Variants in PCNX2 observed in about 807,000 individuals in gnomAD.
PCNX2 encodes the protein pecanex-like protein 2.
Under a neutral mutation model 223.8 loss-of-function variants are expected in PCNX2, and 168 were observed. The observed-to-expected ratio is 0.75, with a 90% CI of 0.66 to 0.85. PCNX2 has a LOEUF of 0.85. Ranked by LOEUF, PCNX2 falls within the 40% of genes least tolerant of loss-of-function variation. PCNX2 has a pLI of 0.00. For synonymous variants in PCNX2, 1,006 were observed against 1,052.6 expected (o/e 0.96, Z 0.86); for missense variants, 2,507 against 2,675.5 (o/e 0.94, Z 1.39).
intron 1 of PCNX2, among the ~76,000 whole-genome samples, chr1:233,271,825 T>C (rs1281145155): frequency 1.3e-5 from 2 of 152,238 alleles, no homozygotes; most frequent in Non-Finnish European, 2.9e-5. Context: ...TCTATTCCAT[T>C]GGTTTATGTG....
At chr1:233,048,221 C>G (rs907480796) in intron 25 of PCNX2, among the ~76,000 whole-genome samples, 11 of 152,278 alleles carry the variant, frequency 7.2e-5, no homozygotes, top group African/African-American at 2.6e-4. Flanking sequence ...CTTTGGGAGG[C>G]CAAGGCAGGC....
chr1:233,047,855 A>G (rs2102867378), intron 25 of PCNX2, among the ~76,000 whole-genome samples: 1 of 152,256 alleles, frequency 6.6e-6, no homozygotes, highest in South Asian at 2.1e-4. Flanking sequence ...CACTTGACCA[A>G]CTGGACCTAA....
chr1:233,177,593 A>T (rs1679552088), intron 17 of PCNX2, among the ~76,000 whole-genome samples: 1 of 152,230 alleles, frequency 6.6e-6, no homozygotes, highest in African/African-American at 2.4e-5. Context: ...CTTTCAAGTG[A>T]TATTCTTTAC....
In PCNX2 at chr1:233,191,613, A is replaced by G. The variant is rs1680422662; in HGVS notation, c.3066+7326T>C. Among the ~76,000 whole-genome samples the G allele has an allele frequency of 2.0e-5, 3 of 152,084 alleles. No individual in the cohort carries two copies. In the South Asian group the frequency reaches 6.2e-4, roughly 32 times the overall value. ...CCCTGAGGAATTTATGCCAGACCTT[A>G]TATTATAGATGGGTCTAGACTGAAA... On this transcript the variant is annotated intron_variant, in intron 15 of 33. Coordinates refer to ENST00000258229, the MANE Select transcript of PCNX2 (RefSeq NM_014801.4).
chr1:233,122,878 C>T (rs1026300358), intron 21 of PCNX2, among the ~76,000 whole-genome samples: 1 of 152,128 alleles, frequency 6.6e-6, no homozygotes, highest in Admixed American at 6.5e-5. Flanking sequence ...GGTCTTCCTC[C>T]CCAAAACACA....
At chr1:233,249,646 G>A (rs13376669) in intron 8 of PCNX2, among the ~76,000 whole-genome samples, 9,504 of 152,276 alleles carry the variant, frequency 0.062, 891 homozygotes, top group African/African-American at 0.2. Flanking sequence ...GCATGAACAA[G>A]ATTTCTGTTT....
At chr1:233,082,135 T>C (rs558973984) in intron 23 of PCNX2, among the ~76,000 whole-genome samples, 2 of 152,304 alleles carry the variant, frequency 1.3e-5, no homozygotes, top group East Asian at 3.9e-4. Context: ...TTGGGCAAGT[T>C]CTTTAACTTC....
At chr1:233,053,074 C>T (rs1252853626) in intron 25 of PCNX2, among the ~76,000 whole-genome samples, 1 of 151,986 alleles carries the variant, frequency 6.6e-6, no homozygotes, top group Non-Finnish European at 1.5e-5. Context: ...AGCCACCAGA[C>T]CAATCTCTTA....
intron 9 of PCNX2, among the ~76,000 whole-genome samples, chr1:233,232,344 G>C (rs773182979): frequency 6.6e-6 from 1 of 152,098 alleles, no homozygotes; most frequent in Non-Finnish European, 1.5e-5. Context: ...CCCAGCTGTT[G>C]GCTAATGTAA....
chr1:233,114,188 G>A (rs1675276454), intron 21 of PCNX2, among the ~76,000 whole-genome samples: 1 of 152,144 alleles, frequency 6.6e-6, no homozygotes, highest in Admixed American at 6.5e-5. Flanking sequence ...GGTGAAGTAG[G>A]GTAAAATTAC....
chr1:233,045,855 C>G (rs1369697143), intron 25 of PCNX2, among the ~76,000 whole-genome samples: 2 of 152,222 alleles, frequency 1.3e-5, no homozygotes, highest in African/African-American at 4.8e-5. Flanking sequence ...GATTCAACAG[C>G]CAAGAAGTGA....
Position 233,016,902 on chromosome 1 carries a change from C to A in PCNX2, c.4839+19G>T, listed in dbSNP as rs1442927941. ...TTAAACTTACATTCCATGCCTCAGC[C>A]CCCACCTCCCTGACCTACCTCTTGT... On this transcript the variant is annotated intron_variant, in intron 27 of 33. Transcript: ENST00000258229. The A allele has an allele frequency of 1.9e-6, 3 of 1,590,320 alleles. No homozygotes were observed. In the African/African-American group the frequency reaches 4.0e-5, roughly 21 times the overall value.
At chr1:233,092,402 C>A (rs957653736) in intron 22 of PCNX2, among the ~76,000 whole-genome samples, 3 of 152,112 alleles carry the variant, frequency 2.0e-5, no homozygotes, top group Non-Finnish European at 4.4e-5. Flanking sequence ...TCTAAAATTT[C>A]CCCAGAGATT....
chr1:233,195,978 A>G (rs1192867182), intron 15 of PCNX2, among the ~76,000 whole-genome samples: 1 of 152,204 alleles, frequency 6.6e-6, no homozygotes, highest in Non-Finnish European at 1.5e-5. Flanking sequence ...CAATTTTGAA[A>G]AAGAAGAATA....
Position 233,258,553 on chromosome 1 carries a change from C to G in PCNX2, c.1309G>C (p.Glu437Gln). 6.2e-7 allele frequency: 1 copy of G among 1,614,012 alleles called. No individual in the cohort carries two copies. Among genetic ancestry groups the G allele is most frequent in the South Asian group, 1.1e-5 (1 of 91,082 alleles). ...SIPVITLDLP[E>Q]GGGGGVPCPE... Reference sequence around the variant, plus strand: ...CAGGGAACACCTCCTCCCCCACCCTCAGGCAGGTCCAGGGTGATTACAGGA... The same window carrying G: ...CAGGGAACACCTCCTCCCCCACCCTGAGGCAGGTCCAGGGTGATTACAGGA... The change falls in exon 5 of 34, where the codon GAG becomes CAG. Residue 437 changes from glutamate to glutamine, a missense_variant. By Grantham distance (29) the Glu-to-Gln change is conservative. Coordinates refer to ENST00000258229, the MANE Select transcript of PCNX2 (RefSeq NM_014801.4).
intron 10 of PCNX2, 24 bp from the exon 11 acceptor site, chr1:233,218,208 GCAA>G (rs1657112427): frequency 1.3e-5 from 2 of 150,482 alleles, no homozygotes; most frequent in Admixed American, 2.6e-4. Context: ...ATACATAAAA[GCAA>G]AAAAAAAAAA....
At chr1:232,986,982 C>T (rs562026637) in intron 32 of PCNX2, among the ~76,000 whole-genome samples, 35 of 152,316 alleles carry the variant, frequency 2.3e-4, no homozygotes, top group African/African-American at 8.4e-4. Flanking sequence ...CATGCTCATC[C>T]GATCAGCAGT....
chr1:233,082,450 G>A (rs1011904072), intron 23 of PCNX2, among the ~76,000 whole-genome samples: 5 of 152,138 alleles, frequency 3.3e-5, no homozygotes, highest in African/African-American at 1.2e-4. Context: ...ACTAAAACAA[G>A]GGCATCGAAC....
At chr1:233,210,854 T>C (rs964350334) in intron 12 of PCNX2, among the ~76,000 whole-genome samples, 2 of 152,182 alleles carry the variant, frequency 1.3e-5, no homozygotes, top group African/African-American at 4.8e-5. Flanking sequence ...TGCAAGGCTA[T>C]TGCACAAAAG....
Sources: allele counts gnomAD v4.1 joint callset (sites outside exome capture counted in the v4.1 genomes callset), GRCh38; gene constraint gnomAD v4.1.1; transcripts MANE v1.5; gene names NCBI Gene and HGNC (gene_info 2026-07-23, HGNC 2026-07-21).